The following MAGI1 variants were observed in gnomAD, a reference collection of about 807,000 sequenced individuals.
The protein encoded by MAGI1 is membrane associated guanylate kinase, WW and PDZ domain containing 1, also known as membrane-associated guanylate kinase, WW and PDZ domain-containing protein 1.
MAGI1 carries 58 observed loss-of-function variants against 139.9 expected under a neutral mutation model. That is an observed-to-expected ratio of 0.41 (90% confidence interval 0.34 to 0.52). The LOEUF (loss-of-function observed/expected upper bound fraction) is 0.52, where lower values mean the gene tolerates loss of function less well. MAGI1 is among the 20% of genes least tolerant of loss of function. The probability of loss-of-function intolerance (pLI) is 0.12; values close to 1 mark genes in which losing one functional copy is unlikely to be tolerated. For synonymous variants in MAGI1, 812 were observed against 737.9 expected, an observed-to-expected ratio of 1.10 and a Z score of -1.63; for missense variants, 1,874 against 1,901.6, an observed-to-expected ratio of 0.99 and a Z score of 0.27.
chr3:65,544,481 G>C (rs763690347), intron 2 of MAGI1, among the ~76,000 whole-genome samples: 2 of 152,138 alleles, frequency 1.3e-5, no homozygotes, highest in African/African-American at 2.4e-5. Context: ...GTAGGGCTTT[G>C]TTCTAGACTA....
chr3:65,788,461 T>C (rs537831724), intron 1 of MAGI1, among the ~76,000 whole-genome samples: 3 of 152,228 alleles, frequency 2.0e-5, no homozygotes, highest in Admixed American at 6.5e-5. Context: ...CTTTCCCCTA[T>C]GCATTTTAGA....
intron 1 of MAGI1, among the ~76,000 whole-genome samples, chr3:66,019,848 G>A (rs1445409617): frequency 1.3e-5 from 2 of 152,124 alleles, no homozygotes; most frequent in African/African-American, 4.8e-5. Flanking sequence ...TGTCAGAAGT[G>A]GGGATCAGTT....
At chr3:65,529,149 G>A (rs552232532) in intron 2 of MAGI1, among the ~76,000 whole-genome samples, 12 of 151,788 alleles carry the variant, frequency 7.9e-5, no homozygotes, top group African/African-American at 2.4e-4. Flanking sequence ...AAAAGGCTTG[G>A]ACTTTCTGCT....
intron 4 of MAGI1, among the ~76,000 whole-genome samples, chr3:65,474,745 G>T (rs536492744): frequency 6.6e-6 from 1 of 152,054 alleles, no homozygotes; most frequent in African/African-American, 2.4e-5. Context: ...AGGTTTATGT[G>T]TATCTCCCAC....
chr3:65,812,407 T>A (rs917662164), intron 1 of MAGI1, among the ~76,000 whole-genome samples: 1 of 151,662 alleles, frequency 6.6e-6, no homozygotes, highest in African/African-American at 2.4e-5. Flanking sequence ...TTGAAAAAAT[T>A]ACAGGATTTT....
At chr3:65,819,301 AAAC>A (rs147559291) in intron 1 of MAGI1, among the ~76,000 whole-genome samples, 3,816 of 152,220 alleles carry the variant, frequency 0.025, 136 homozygotes, top group African/African-American at 0.087. Context: ...ACAAACAAAC[AAAC>A]AACAACAACA....
intron 2 of MAGI1, among the ~76,000 whole-genome samples, chr3:65,546,663 T>C (rs2079522709): frequency 1.3e-5 from 2 of 152,238 alleles, no homozygotes; most frequent in South Asian, 4.1e-4. Flanking sequence ...TGCAACAGTT[T>C]AGCAAATTAC....
chr3:65,800,062 C>A (rs1559894721), intron 1 of MAGI1, among the ~76,000 whole-genome samples: 1 of 152,176 alleles, frequency 6.6e-6, no homozygotes. Context: ...TGCTGAATGG[C>A]GTTGGGCATG....
chr3:65,472,625 C>T (rs1389058154), intron 4 of MAGI1, among the ~76,000 whole-genome samples: 1 of 152,168 alleles, frequency 6.6e-6, no homozygotes, highest in Non-Finnish European at 1.5e-5. Flanking sequence ...ACAGGTGTTG[C>T]CCTGCCGCCA....
intron 1 of MAGI1, among the ~76,000 whole-genome samples, chr3:65,935,839 T>C (rs540298101): frequency 1.3e-5 from 2 of 152,176 alleles, no homozygotes; most frequent in African/African-American, 4.8e-5. Flanking sequence ...AATAAACCAT[T>C]GTGGAAAAGA....
At chr3:65,401,079 T>C (rs1461094410) in intron 13 of MAGI1, among the ~76,000 whole-genome samples, 1 of 152,106 alleles carries the variant, frequency 6.6e-6, no homozygotes, top group Non-Finnish European at 1.5e-5. Context: ...GGTGGAGCTT[T>C]CTTTTTTTCT....
chr3:65,791,611 G>A (rs1172016825), intron 1 of MAGI1, among the ~76,000 whole-genome samples: 1 of 152,122 alleles, frequency 6.6e-6, no homozygotes, highest in Non-Finnish European at 1.5e-5. Context: ...AGGAAGAGGT[G>A]GAGGATGGTC....
intron 1 of MAGI1, among the ~76,000 whole-genome samples, chr3:65,749,268 T>C (rs11131038): frequency 0.27 from 41,699 of 152,074 alleles, 6,796 homozygotes; most frequent in East Asian, 0.47. Flanking sequence ...CTGTTGTTAC[T>C]GTTACCATAG....
At chr3:65,943,108 A>G (rs1479058624) in intron 1 of MAGI1, among the ~76,000 whole-genome samples, 1 of 152,234 alleles carries the variant, frequency 6.6e-6, no homozygotes, top group Non-Finnish European at 1.5e-5. Context: ...TACAATCTAT[A>G]TAACTCTTGT....
chr3:65,684,230 T>G (rs1026712062), intron 1 of MAGI1, among the ~76,000 whole-genome samples: 1 of 149,600 alleles, frequency 6.7e-6, no homozygotes, highest in Non-Finnish European at 1.5e-5. Context: ...AACTGTACTC[T>G]TGGACATTTA....
chr3:65,898,763 T>C (rs887469595), intron 1 of MAGI1, among the ~76,000 whole-genome samples: 3 of 152,086 alleles, frequency 2.0e-5, no homozygotes, highest in African/African-American at 2.4e-5. Context: ...ATTCCCAACA[T>C]AAAGAAATGA....
At chr3:65,698,538 A>G (rs1290994834) in intron 1 of MAGI1, among the ~76,000 whole-genome samples, 1 of 152,020 alleles carries the variant, frequency 6.6e-6, no homozygotes, top group Non-Finnish European at 1.5e-5. Flanking sequence ...ATGTAGATCA[A>G]TGGAACAGAA....
At chr3:65,415,116 C>T (rs1946109743) in intron 12 of MAGI1, among the ~76,000 whole-genome samples, 1 of 151,836 alleles carries the variant, frequency 6.6e-6, no homozygotes, top group East Asian at 1.9e-4. Context: ...CCTACTACTC[C>T]ATCCTGGTTT....
intron 1 of MAGI1, among the ~76,000 whole-genome samples, chr3:65,659,789 G>A (rs756403386): frequency 2.0e-5 from 3 of 152,058 alleles, no homozygotes; most frequent in East Asian, 1.9e-4. Context: ...AAGTCCCACC[G>A]GCGTTTGGGG....
Sources: allele counts gnomAD v4.1 joint callset (sites outside exome capture counted in the v4.1 genomes callset), GRCh38; gene constraint gnomAD v4.1.1; transcripts MANE v1.5; gene names NCBI Gene and HGNC (gene_info 2026-07-23, HGNC 2026-07-21).